The following RTF2 variants were observed in gnomAD, a reference collection of about 807,000 sequenced individuals.
The protein encoded by RTF2 is UPF0549 protein C20orf43.
RTF2 carries 18 observed loss-of-function variants against 38.0 expected under a neutral mutation model. The observed-to-expected ratio is 0.47, with a 90% CI of 0.33 to 0.70. The LOEUF (loss-of-function observed/expected upper bound fraction) is 0.70, where lower values mean the gene tolerates loss of function less well. Among genes scored for constraint, RTF2 ranks in the 30% least tolerant of loss-of-function variants. The pLI is 0.02. For synonymous variants in RTF2, 126 were observed against 137.1 expected (o/e 0.92, Z 0.57); for missense variants, 311 against 379.6 (o/e 0.82, Z 1.50).
intron 5 of RTF2, among the ~76,000 whole-genome samples, chr20:56,496,465 G>A (rs1006349996): frequency 2.0e-5 from 3 of 152,272 alleles, no homozygotes; most frequent in Non-Finnish European, 4.4e-5. Flanking sequence ...GGAGAATCGC[G>A]TGAACCCGGG....
At chr20:56,502,941 G>A (rs1027716023) in intron 5 of RTF2, among the ~76,000 whole-genome samples, 2 of 152,192 alleles carry the variant, frequency 1.3e-5, no homozygotes, top group African/African-American at 4.8e-5. Flanking sequence ...TTTCTTGACT[G>A]CGGATGTGGT....
intron 5 of RTF2, chr20:56,491,658 G>A (rs1232407021): frequency 3.2e-6 from 5 of 1,552,024 alleles, no homozygotes; most frequent in South Asian, 1.2e-5. Flanking sequence ...CTGTGCCGCC[G>A]CTCTAAGCAG....
chr20:56,515,665 G>GACACACAC lies in RTF2; in HGVS notation c.592-1249_592-1242dup, dbSNP rs11474559. 8.5e-3 allele frequency: 1,245 copies of GACACACAC among 145,768 alleles called. 12 individuals carry two copies. The highest frequency in any genetic ancestry group is 0.033 in the South Asian group (151 of 4,564). The allele number at this position is 145,768 out of a possible 1,614,324, so 9.0% of individuals were successfully genotyped here. A position where few individuals can be genotyped will look rare whatever the true frequency, so the allele number is the denominator to read the frequency against. ...ACAGTGAGATTCTGTCTCAGACAGA[G>GACACACAC]ACACACACACACACACACACACACA... On this transcript the variant is annotated intron_variant, in intron 6 of 8. Coordinates refer to ENST00000357348, the MANE Select transcript of RTF2 (RefSeq NM_016407.5).
chr20:56,486,720 A>G (rs868856372), intron 5 of RTF2, among the ~76,000 whole-genome samples: 2 of 152,226 alleles, frequency 1.3e-5, no homozygotes, highest in Non-Finnish European at 2.9e-5. Context: ...GTAGATTTAA[A>G]TAAAAATATT....
chr20:56,509,979 A>T (rs1349336913), intron 5 of RTF2, among the ~76,000 whole-genome samples: 1 of 151,074 alleles, frequency 6.6e-6, no homozygotes, highest in African/African-American at 2.4e-5. Context: ...TTATGCTAAA[A>T]TCCAGTCACA....
chr20:56,472,256 GT>G, intron 1 of RTF2: 14 of 902,780 alleles, frequency 1.6e-5, no homozygotes, highest in Non-Finnish European at 1.8e-5. Context: ...CAGCAGGATT[GT>G]TTTTGTCTTC....
Position 56,484,124 on chromosome 20 carries a change from C to T in RTF2, c.412C>T (p.Arg138Trp), listed in dbSNP as rs774473075. 6 of 1,613,986 alleles carry T rather than the reference C, an allele frequency of 3.7e-6. No individual in the cohort carries two copies. The highest frequency in any genetic ancestry group is 3.4e-6 in the Non-Finnish European group (4 of 1,179,992). Residue 138 changes from arginine (R) to tryptophan (W), a missense_variant, in exon 5 of 9, where the codon CGG becomes TGG. Physicochemically the swap from Arg to Trp is moderately radical, Grantham distance 101. Coordinates refer to ENST00000357348, the MANE Select transcript of RTF2 (RefSeq NM_016407.5). Reference protein sequence around the residue: ...MNGRHRFCFLRCCGCVFSERA... With the variant: ...MNGRHRFCFLWCCGCVFSERA... ...TTATTTCTCCAGGTTCTGCTTCCTT[C>T]GGTGCTGCGGCTGTGTGTTTTCTGA...
intron 5 of RTF2, among the ~76,000 whole-genome samples, chr20:56,512,780 T>G (rs1412021535): frequency 6.6e-6 from 1 of 152,206 alleles, no homozygotes; most frequent in Non-Finnish European, 1.5e-5. Flanking sequence ...GGAATCCACG[T>G]GGGGCTTCCT....
At position 56,486,842 on chromosome 20, in the gene RTF2, C is replaced by A. The variant is rs533902587; in HGVS notation, c.477+2653C>A. 2.6e-5 allele frequency among the ~76,000 whole-genome samples: 4 copies of A among 152,182 alleles called. No homozygotes were observed. The South Asian group carries it at 8.3e-4, about 32-fold the overall frequency. ...GGGGGAAAGAAAGGCAGCAGCAGTG[C>A]TCATGGGGCAGAAGCAGCCGGGCAG... On this transcript the variant is annotated intron_variant, in intron 5 of 8. Coordinates refer to ENST00000357348, the MANE Select transcript of RTF2 (RefSeq NM_016407.5).
At chr20:56,488,922 G>A (rs1005854835) in intron 5 of RTF2, among the ~76,000 whole-genome samples, 1 of 152,002 alleles carries the variant, frequency 6.6e-6, no homozygotes, top group Non-Finnish European at 1.5e-5. Context: ...CCTGCCTCTC[G>A]GCCTCCCCAC....
At chr20:56,490,289 C>G (rs559314314) in intron 5 of RTF2, among the ~76,000 whole-genome samples, 1 of 152,310 alleles carries the variant, frequency 6.6e-6, no homozygotes, top group East Asian at 1.9e-4. Flanking sequence ...CTTTAAATCT[C>G]TTGTATGTTG....
At chr20:56,495,587 T>C (rs972005561) in intron 5 of RTF2, among the ~76,000 whole-genome samples, 2 of 152,222 alleles carry the variant, frequency 1.3e-5, no homozygotes, top group Admixed American at 1.3e-4. Flanking sequence ...TCTCCACCCC[T>C]TGTTACTCCC....
chr20:56,494,384 A>G (rs952826389), intron 5 of RTF2, among the ~76,000 whole-genome samples: 4 of 152,128 alleles, frequency 2.6e-5, no homozygotes, highest in Non-Finnish European at 5.9e-5. Flanking sequence ...TCAACCCTTT[A>G]TGACTTCTTA....
At chr20:56,506,704 A>T (rs1984294059) in intron 5 of RTF2, among the ~76,000 whole-genome samples, 1 of 152,114 alleles carries the variant, frequency 6.6e-6, no homozygotes, top group Non-Finnish European at 1.5e-5. Flanking sequence ...AATGTATTAT[A>T]ATTTTTTTTT....
At chr20:56,517,401 A>G (rs1036171270) in intron 8 of RTF2, among the ~76,000 whole-genome samples, 200 bp downstream of exon 8, 6 of 152,106 alleles carry the variant, frequency 3.9e-5, no homozygotes, top group Admixed American at 3.9e-4. Flanking sequence ...GGCAGGAGTG[A>G]TGGGGTCTGG....
intron 3 of RTF2, among the ~76,000 whole-genome samples, chr20:56,475,873 A>G (rs1982215854): frequency 1.3e-5 from 2 of 152,258 alleles, no homozygotes; most frequent in Non-Finnish European, 2.9e-5. Flanking sequence ...TAAAGAAAAA[A>G]AGCATACAAA....
In RTF2 at chr20:56,473,412, TAATC is replaced by T. The variant is rs755883767; in HGVS notation, c.164+20_164+23del. 4 of 1,535,868 alleles carry T rather than the reference TAATC, an allele frequency of 2.6e-6. No individual in the cohort carries two copies. Among genetic ancestry groups the T allele is most frequent in the South Asian group, 1.1e-5 (1 of 88,888 alleles). On this transcript the variant is annotated intron_variant, in intron 2 of 8. Transcript: ENST00000357348. Reference sequence around the variant, plus strand: ...ACTTGGCAGGTATGGTTTTTACACTTAATCAAGATGAGTTTGTTAAGTGATTTTG... The same window carrying T: ...ACTTGGCAGGTATGGTTTTTACACTTAAGATGAGTTTGTTAAGTGATTTTG...
At position 56,518,369 on chromosome 20, in the gene RTF2, CTG is replaced by C. The variant is rs564650002; in HGVS notation, c.*108_*109del. 5.0e-4 allele frequency: 596 copies of C among 1,200,602 alleles called. 6 individuals are homozygous for C. The East Asian group carries it at 0.013, about 25-fold the overall frequency. The allele number at this position is 1,200,602 out of a possible 1,614,324, so 74.4% of individuals were successfully genotyped here. On this transcript the variant is annotated 3_prime_UTR_variant, in exon 9 of 9. Transcript: ENST00000357348. ...GCTGCTGTGTGTTCTCTCTATAGTTCTGTGTCATAAAGCTGTCCTGGCCAGCC... is the reference window on the plus strand; with the variant it reads ...GCTGCTGTGTGTTCTCTCTATAGTTCTGTCATAAAGCTGTCCTGGCCAGCC...
rs767997373 is a variant in RTF2, at chr20:56,516,934, G to A, written c.592-1G>A. The A allele has an allele frequency of 6.2e-7, 1 of 1,613,640 alleles. No individual in the cohort carries two copies. ...CTCCAACATTCTCTATCTTTTTGTA[G>A]AAAACAAAGAAACCCAAGGCAGCAG... On this transcript the variant is annotated splice_acceptor_variant, in intron 6 of 8. Transcript: ENST00000357348. LOFTEE classifies it high-confidence loss of function.
Sources: allele counts gnomAD v4.1 joint callset (sites outside exome capture counted in the v4.1 genomes callset), GRCh38; gene constraint gnomAD v4.1.1; transcripts MANE v1.5; gene names NCBI Gene and HGNC (gene_info 2026-07-23, HGNC 2026-07-21).